Variants in RALY observed in about 807,000 individuals in gnomAD.
The protein encoded by RALY is RNA-binding protein Raly.
RALY carries 15 observed loss-of-function variants against 30.7 expected under a neutral mutation model. That is an observed-to-expected ratio of 0.49 (90% CI 0.33 to 0.75). RALY has a LOEUF of 0.75. Among genes scored for constraint, RALY ranks in the 30% least tolerant of loss-of-function variants. The pLI is 0.02. For missense variants in RALY, 339 were observed against 414.3 expected (o/e 0.82, Z 1.58); for synonymous variants, 177 against 170.8 (o/e 1.04, Z -0.28).
intron 2 of RALY, among the ~76,000 whole-genome samples, chr20:34,050,093 A>G (rs185783076): frequency 1.3e-5 from 2 of 152,268 alleles, no homozygotes; most frequent in Admixed American, 6.5e-5. Flanking sequence ...ACAGAGTGCC[A>G]TTTACTGAGC....
intron 1 of RALY, among the ~76,000 whole-genome samples, chr20:34,030,668 A>G (rs1392246294): frequency 4.6e-5 from 7 of 152,226 alleles, no homozygotes; most frequent in Non-Finnish European, 1.0e-4. Context: ...GATCTTGCGC[A>G]AGTAACCTAG....
chr20:34,016,560 T>C (rs955422782), intron 1 of RALY: 3 of 152,268 alleles, frequency 2.0e-5, no homozygotes, highest in African/African-American at 7.2e-5. Flanking sequence ...GTCCTTCTGT[T>C]GTGTAGCCAG....
chr20:34,031,211 A>AT (rs11297874), intron 1 of RALY, among the ~76,000 whole-genome samples: 2,902 of 110,850 alleles, frequency 0.026, 74 homozygotes, highest in African/African-American at 0.048. Flanking sequence ...TGCCTGGCTA[A>AT]TTTTTTTTTT....
Position 33,994,550 on chromosome 20 carries a change from C to T in RALY, c.-93+419C>T, listed in dbSNP as rs998686110. ...AGGCGGGCCCGGCCGCGGCTGCTTC[C>T]GGCTCTCCTAACCCGGACTGGGTCT... is the stretch of plus-strand genomic sequence containing the variant. On this transcript the variant is annotated intron_variant, in intron 1 of 9. Transcript: ENST00000246194. Among the ~76,000 whole-genome samples, 155 of 152,362 alleles carry T rather than the reference C, an allele frequency of 1.0e-3. 2 individuals carry two copies. The highest frequency in any genetic ancestry group is 6.8e-3 in the Middle Eastern group (2 of 294).
At chr20:34,031,211 A>ATTTTTT (rs11297874) in intron 1 of RALY, among the ~76,000 whole-genome samples, 5 of 110,870 alleles carry the variant, frequency 4.5e-5, no homozygotes, top group Non-Finnish European at 7.3e-5. Context: ...TGCCTGGCTA[A>ATTTTTT]TTTTTTTTTT....
At chr20:34,000,260 G>A (rs1028530661) in intron 1 of RALY, among the ~76,000 whole-genome samples, 4 of 152,060 alleles carry the variant, frequency 2.6e-5, no homozygotes, top group African/African-American at 7.2e-5. Flanking sequence ...CCTGAGCATC[G>A]TTTGGTCAGT....
At chr20:34,067,236 C>G (rs2033599605) in intron 2 of RALY, among the ~76,000 whole-genome samples, 3 of 152,178 alleles carry the variant, frequency 2.0e-5, no homozygotes, top group Admixed American at 1.3e-4. Flanking sequence ...GCTCTGTCGC[C>G]TAGGCTGGAG....
At chr20:34,038,413 A>T (rs2032579167) in intron 2 of RALY, among the ~76,000 whole-genome samples, 1 of 152,152 alleles carries the variant, frequency 6.6e-6, no homozygotes, top group Admixed American at 6.5e-5. Context: ...TGAGAGATGA[A>T]TAAAGGGGTC....
At chr20:34,070,526 T>C (rs982886761) in intron 2 of RALY, among the ~76,000 whole-genome samples, 1 of 152,170 alleles carries the variant, frequency 6.6e-6, no homozygotes, top group African/African-American at 2.4e-5. Flanking sequence ...AGTATTAATA[T>C]GGGTAACTAA....
chr20:34,042,568 G>A (rs775893142), intron 2 of RALY, among the ~76,000 whole-genome samples: 23 of 152,118 alleles, frequency 1.5e-4, no homozygotes, highest in Admixed American at 3.9e-4. Flanking sequence ...TGTGTACCTC[G>A]TCAGGGCATA....
At chr20:34,045,370 G>A (rs1471816778) in intron 2 of RALY, among the ~76,000 whole-genome samples, 1 of 152,156 alleles carries the variant, frequency 6.6e-6, no homozygotes. Context: ...CTGAGAGAAG[G>A]GCAGGTGAAA....
chr20:34,077,054 G>T lies in RALY; in HGVS notation c.685G>T (p.Gly229Cys), dbSNP rs752588733. Residue 229 changes from glycine to cysteine, a missense_variant, in exon 8 of 10, where the codon GGC becomes TGC. This residue lies in a region of RALY where 268 missense variants were observed against 280.6 expected (regional missense o/e 0.95). Transcript: ENST00000246194. Reference sequence around the variant, plus strand: ...TGGCAAGAAGAAGGGTGATGGAGGTGGCGCCGGCGGCGGCGGCGGTGGTGG... The same window carrying T: ...TGGCAAGAAGAAGGGTGATGGAGGTTGCGCCGGCGGCGGCGGCGGTGGTGG... Reference protein sequence around the residue: ...PDGKKKGDGGGAGGGGGGGGS... With the variant: ...PDGKKKGDGGCAGGGGGGGGS... The T allele has an allele frequency of 6.6e-7, 1 of 1,519,584 alleles. No individual in the cohort carries two copies. Among genetic ancestry groups the T allele is most frequent in the African/African-American group, 2.1e-5 (1 of 47,154 alleles). 94.1% of individuals were successfully genotyped at this position (1,519,584 alleles called of 1,614,324 possible).
intron 2 of RALY, among the ~76,000 whole-genome samples, chr20:34,054,815 C>CA (rs771028871): frequency 0.14 from 14,972 of 110,564 alleles, 2,385 homozygotes; most frequent in African/African-American, 0.4. Flanking sequence ...GAGACTGTCT[C>CA]AAAAAAAAAA....
rs1300282720 is a variant in RALY at position 34,080,350 on chromosome 20, C to T, written c.*445C>T. On this transcript the variant is annotated 3_prime_UTR_variant, in exon 10 of 10. Transcript: ENST00000246194. Reference sequence around the variant, plus strand: ...AAAAGCTGGTCTAGGGTGCCTAATACTGATCCATCTGGACCTTAGTGTCCT... The same window carrying T: ...AAAAGCTGGTCTAGGGTGCCTAATATTGATCCATCTGGACCTTAGTGTCCT... The T allele has an allele frequency of 6.6e-6, 1 of 152,242 alleles. No homozygotes were observed. The highest frequency in any genetic ancestry group is 2.4e-5 in the African/African-American group (1 of 41,450). The allele number at this position is 152,242 out of a possible 1,614,324, so 9.4% of individuals were successfully genotyped here. A position where few individuals can be genotyped will look rare whatever the true frequency, so the allele number is the denominator to read the frequency against.
rs541194859 is a variant in RALY, at chr20:34,040,857, G to A, written c.-10+9253G>A. Among the ~76,000 whole-genome samples the A allele has an allele frequency of 2.6e-5, 4 of 152,332 alleles. No individual in the cohort carries two copies. The South Asian group carries it at 8.3e-4, about 32-fold the overall frequency. ...CTGACCCCATTGACTAAGCTGTAAG[G>A]TAAGCTGTTTCCTGAGTATCATACT... On this transcript the variant is annotated intron_variant, in intron 2 of 9. Coordinates refer to ENST00000246194, the MANE Select transcript of RALY (RefSeq NM_016732.3).
chr20:34,013,485 G>A (rs529050124), intron 1 of RALY, among the ~76,000 whole-genome samples: 118 of 149,282 alleles, frequency 7.9e-4, no homozygotes, highest in African/African-American at 2.8e-3. Context: ...TTATTGGGAT[G>A]TAACCCTGTT....
chr20:34,036,261 C>A (rs750276068), intron 2 of RALY, among the ~76,000 whole-genome samples: 1 of 152,120 alleles, frequency 6.6e-6, no homozygotes, highest in East Asian at 1.9e-4. Context: ...GGAAAGTATT[C>A]CATCTTTCAG....
rs765315804 is a variant in RALY, at chr20:34,077,046, A to T, written c.677A>T (p.Asp226Val). ...CCTCAAGATGGCAAGAAGAAGGGTG[A>T]TGGAGGTGGCGCCGGCGGCGGCGGC... ...KANPDGKKKGDGGGAGGGGGG... is the reference protein window; with the variant it reads ...KANPDGKKKGVGGGAGGGGGG... Residue 226 changes from aspartate to valine, a missense_variant, in exon 8 of 10, where the codon GAT becomes GTT. Physicochemically the swap from Asp to Val is radical, Grantham distance 152 (BLOSUM62 -3). Coordinates refer to ENST00000246194, the MANE Select transcript of RALY (RefSeq NM_016732.3). 2 of 1,589,550 alleles carry T rather than the reference A, an allele frequency of 1.3e-6. No homozygotes were observed. The highest frequency in any genetic ancestry group is 1.7e-6 in the Non-Finnish European group (2 of 1,173,540).
chr20:34,041,411 T>C (rs1171379793), intron 2 of RALY, among the ~76,000 whole-genome samples: 2 of 152,236 alleles, frequency 1.3e-5, no homozygotes, highest in African/African-American at 4.8e-5. Context: ...AATCTGCCTT[T>C]ATGTGACAGA....
Sources: gnomAD v4.1 joint callset for allele counts (sites outside exome capture counted in the v4.1 genomes callset) on GRCh38, gnomAD v4.1.1 for gene constraint, gnomAD v4.1.1 regional missense constraint, MANE v1.5 for transcripts, NCBI Gene and HGNC (gene_info 2026-07-23, HGNC 2026-07-21) for gene names.